Variants in GRM7 observed in about 807,000 individuals in gnomAD.
GRM7 encodes glutamate metabotropic receptor 7, also known as metabotropic glutamate receptor 7.
A neutral mutation model predicts 84.5 loss-of-function variants in GRM7; 35 were observed. The observed-to-expected ratio is 0.41, with a 90% CI of 0.32 to 0.55. The LOEUF (loss-of-function observed/expected upper bound fraction) is 0.55. Among genes scored for constraint, GRM7 ranks in the 20% least tolerant of loss-of-function variants. The pLI is 0.19. For missense variants in GRM7, 1,003 were observed against 1,194.6 expected, an observed-to-expected ratio of 0.84 and a Z score of 2.36; for synonymous variants, 487 against 455.1, an observed-to-expected ratio of 1.07 and a Z score of -0.89.
chr3:7,092,896 A>T (rs971411258), intron 1 of GRM7, among the ~76,000 whole-genome samples: 1 of 152,176 alleles, frequency 6.6e-6, no homozygotes, highest in Non-Finnish European at 1.5e-5. Flanking sequence ...CAGCCTGGAC[A>T]ACATAGTGAC....
intron 1 of GRM7, among the ~76,000 whole-genome samples, chr3:6,939,310 A>C (rs1697806694): frequency 6.6e-6 from 1 of 152,166 alleles, no homozygotes; most frequent in African/African-American, 2.4e-5. Context: ...CATCATTATC[A>C]ATCAATAAAT....
intron 2 of GRM7, among the ~76,000 whole-genome samples, chr3:7,274,370 A>C (rs1334962466): frequency 1.3e-5 from 2 of 152,020 alleles, no homozygotes. Flanking sequence ...CTCCATGTAG[A>C]TATGAGTTTC....
At chr3:7,333,581 A>T (rs1354565856) in intron 4 of GRM7, among the ~76,000 whole-genome samples, 1 of 152,188 alleles carries the variant, frequency 6.6e-6, no homozygotes, top group Non-Finnish European at 1.5e-5. Flanking sequence ...CATCCCCAAA[A>T]GATCACACTA....
Position 7,659,463 on chromosome 3 carries a change from A to G in GRM7, c.2452-20586A>G, listed in dbSNP as rs180679534. Among the ~76,000 whole-genome samples the G allele has an allele frequency of 2.3e-5, 3 of 128,470 alleles. No individual in the cohort carries two copies. The Admixed American group carries it at 2.4e-4, about 10-fold the overall frequency. 84.3% of individuals were successfully genotyped at this position (128,470 alleles called of 152,430 possible). A position where few individuals can be genotyped will look rare whatever the true frequency, so the allele number is the denominator to read the frequency against. On this transcript the variant is annotated intron_variant, in intron 8 of 9. Coordinates refer to ENST00000357716, the MANE Select transcript of GRM7 (RefSeq NM_000844.4). ...GTAATGGTCAGACTATTTTAAAGCA[A>G]TCACATATGTAAATCAACAGCACCA...
intron 1 of GRM7, among the ~76,000 whole-genome samples, chr3:6,902,754 A>G (rs1288429209): frequency 2.6e-5 from 4 of 151,946 alleles, no homozygotes; most frequent in Admixed American, 2.6e-4. Context: ...TTTATTCTTG[A>G]CCTTCAATTT....
At chr3:7,087,973 C>T (rs1415859608) in intron 1 of GRM7, among the ~76,000 whole-genome samples, 8 of 152,164 alleles carry the variant, frequency 5.3e-5, no homozygotes, top group Admixed American at 4.6e-4. Flanking sequence ...GCCAGACAGG[C>T]CTGGGTTTTC....
chr3:7,515,131 C>T (rs1163910609), intron 7 of GRM7, among the ~76,000 whole-genome samples: 4 of 150,686 alleles, frequency 2.7e-5, no homozygotes, highest in Non-Finnish European at 4.4e-5. Context: ...TTGAGAGCCC[C>T]TGTTACACAC....
rs1701133875 is a variant in GRM7 at position 7,329,895 on chromosome 3, AT to A, written c.1033+23244del. 3.3e-5 allele frequency among the ~76,000 whole-genome samples: 5 copies of A among 152,268 alleles called. No individual in the cohort carries two copies. The South Asian group carries it at 6.2e-4, about 19-fold the overall frequency. On this transcript the variant is annotated intron_variant, in intron 4 of 9. Coordinates refer to ENST00000357716, the MANE Select transcript of GRM7 (RefSeq NM_000844.4). ...AAACAGTGTTTTATTATAGAGAAAT[AT>A]ATTAATTTTCCAGTTGTGTAGATGG...
chr3:7,027,263 C>G (rs765644875), intron 1 of GRM7, among the ~76,000 whole-genome samples: 6 of 152,050 alleles, frequency 3.9e-5, no homozygotes, highest in African/African-American at 1.4e-4. Flanking sequence ...ATCTCACAGA[C>G]GTTTTGAGGC....
intron 1 of GRM7, among the ~76,000 whole-genome samples, chr3:7,101,591 A>C (rs1499169): frequency 0.47 from 70,498 of 150,896 alleles, 17,516 homozygotes; most frequent in African/African-American, 0.65. Context: ...CCATTTTCTT[A>C]TTAGTATATT....
In GRM7 at chr3:6,862,727, C is replaced by CA. The variant is rs61366754; in HGVS notation, c.519+820_519+821insA. Reference sequence around the variant, plus strand: ...TCTCCCTGCCTCCTCCCTCCTCCCCCCCGCCCCCCTCACCCACTATCTCCC... The same window carrying CA: ...TCTCCCTGCCTCCTCCCTCCTCCCCCACCGCCCCCCTCACCCACTATCTCCC... On this transcript the variant is annotated intron_variant, in intron 1 of 9. Transcript: ENST00000357716. The surrounding 1 kb of genome is among the most constrained non-coding windows in gnomAD (Gnocchi z 5.2). 0.081 allele frequency: 22,658 copies of CA among 280,152 alleles called. 1,141 individuals are homozygous for CA. Among genetic ancestry groups the CA allele is most frequent in the South Asian group, 0.14 (4,832 of 34,964 alleles). The allele number at this position is 280,152 out of a possible 1,614,324, so 17.4% of individuals were successfully genotyped here.
At chr3:7,628,369 C>T (rs972967455) in intron 8 of GRM7, among the ~76,000 whole-genome samples, 1 of 152,114 alleles carries the variant, frequency 6.6e-6, no homozygotes, top group African/African-American at 2.4e-5. Context: ...GAACTGGAAC[C>T]ATTTCTCATT....
chr3:7,675,277 T>TAC, intron 8 of GRM7, among the ~76,000 whole-genome samples: 1 of 152,300 alleles, frequency 6.6e-6, no homozygotes, highest in South Asian at 2.1e-4. Context: ...AATATTCTGG[T>TAC]TTTCAAAGTT....
chr3:7,473,489 G>GGGGAGAGAGAGAGAGAGAGAGAGAGAGA (rs1553603707), intron 7 of GRM7, among the ~76,000 whole-genome samples: 3 of 126,432 alleles, frequency 2.4e-5, no homozygotes, highest in African/African-American at 8.9e-5. Context: ...AAAACGAGAG[G>GGGGAGAGAGAGAGAGAGAGAGAGAGAGA]GAGAGAGAGA....
chr3:7,594,081 G>T (rs1399139629), intron 8 of GRM7, among the ~76,000 whole-genome samples: 2 of 152,148 alleles, frequency 1.3e-5, no homozygotes, highest in African/African-American at 4.8e-5. Context: ...AATCTTACAG[G>T]TGGTGTCCTA....
chr3:7,390,558 CT>C (rs1293804607), intron 4 of GRM7, among the ~76,000 whole-genome samples: 4 of 151,588 alleles, frequency 2.6e-5, no homozygotes, highest in Non-Finnish European at 2.9e-5. Context: ...TTTTATTTTT[CT>C]TTTTTTAGTA....
chr3:7,532,835 A>G (rs1372565106), intron 7 of GRM7, among the ~76,000 whole-genome samples: 39 of 146,416 alleles, frequency 2.7e-4, no homozygotes, highest in Non-Finnish European at 4.0e-4. Context: ...AGGGGTTGCC[A>G]TCCTAGTCTC....
At chr3:7,440,384 T>C (rs1307387556) in intron 5 of GRM7, among the ~76,000 whole-genome samples, 4 of 152,158 alleles carry the variant, frequency 2.6e-5, no homozygotes, top group Non-Finnish European at 4.4e-5. Flanking sequence ...GAGAAAATAA[T>C]GTTTCTCTTT....
At chr3:7,030,886 G>A (rs904615045) in intron 1 of GRM7, among the ~76,000 whole-genome samples, 1 of 152,114 alleles carries the variant, frequency 6.6e-6, no homozygotes, top group South Asian at 2.1e-4. Context: ...TCAGAATTAA[G>A]TTTACTAAAA....
Sources: gnomAD v4.1 joint callset for allele counts (sites outside exome capture counted in the v4.1 genomes callset) on GRCh38, gnomAD v4.1.1 for gene constraint, Gnocchi (gnomAD v3.1) non-coding constraint, MANE v1.5 for transcripts, NCBI Gene and HGNC (gene_info 2026-07-23, HGNC 2026-07-21) for gene names.